The following GTF2E2 variants were observed in gnomAD, a reference collection of about 807,000 sequenced individuals.
The protein encoded by GTF2E2 is general transcription factor IIE subunit 2.
In GTF2E2, 21 loss-of-function variants were observed where a neutral mutation model predicts 40.5. The observed-to-expected ratio is 0.52, with a 90% CI of 0.37 to 0.75. GTF2E2 has a LOEUF of 0.75. Ranked by LOEUF, GTF2E2 falls within the 30% of genes least tolerant of loss-of-function variation. The probability of loss-of-function intolerance (pLI) is 0.00; values close to 1 mark genes in which losing one functional copy is unlikely to be tolerated. For missense variants in GTF2E2, 298 were observed against 338.4 expected (o/e 0.88, Z 0.94); for synonymous variants, 117 against 121.6 (o/e 0.96, Z 0.25).
chr8:30,651,918 T>C (rs146479176), intron 2 of GTF2E2, among the ~76,000 whole-genome samples: 61 of 152,320 alleles, frequency 4.0e-4, no homozygotes, highest in African/African-American at 1.3e-3. Flanking sequence ...AAATAAACTC[T>C]TTGATTTATG....
chr8:30,643,797 C>T (rs878919353), intron 2 of GTF2E2: 1 of 150,594 alleles, frequency 6.6e-6, no homozygotes, highest in African/African-American at 2.4e-5. Flanking sequence ...CCTGCATCTG[C>T]AAGGCTAGTA....
chr8:30,641,869 C>T (rs113541553), intron 2 of GTF2E2, among the ~76,000 whole-genome samples: 5,172 of 152,162 alleles, frequency 0.034, 291 homozygotes, highest in African/African-American at 0.12. Flanking sequence ...GAACGAGACT[C>T]TGTCTCAAAC....
At chr8:30,589,868 T>C (rs1828792872) in intron 6 of GTF2E2, among the ~76,000 whole-genome samples, 1 of 152,216 alleles carries the variant, frequency 6.6e-6, no homozygotes. Flanking sequence ...GGAGAAGCCG[T>C]GGGGTAACTC....
rs10109276 is a variant in GTF2E2 at position 30,593,849 on chromosome 8, C to T, written c.643+13208G>A. ...TCTACTCTGTCTGATATTAATATAG[C>T]CACCCTAGCTTTCCTGATAGTGTTT... On this transcript the variant is annotated intron_variant, in intron 6 of 7. Coordinates refer to ENST00000355904, the MANE Select transcript of GTF2E2 (RefSeq NM_002095.6). Among the ~76,000 whole-genome samples, 574 of 152,258 alleles carry T rather than the reference C, an allele frequency of 3.8e-3. 5 individuals carry two copies. The highest frequency in any genetic ancestry group is 0.014 in the African/African-American group (562 of 41,544).
intron 2 of GTF2E2, 26 bp downstream of exon 2, chr8:30,653,407 A>C (rs1250308101): frequency 6.3e-7 from 1 of 1,581,600 alleles, no homozygotes; most frequent in Non-Finnish European, 8.7e-7. Context: ...AATAAAAACC[A>C]AACAGTCCTA....
At chr8:30,583,899 G>A (rs1037875926) in intron 6 of GTF2E2, among the ~76,000 whole-genome samples, 4 of 151,868 alleles carry the variant, frequency 2.6e-5, no homozygotes, top group Non-Finnish European at 4.4e-5. Flanking sequence ...TCCACCTCCC[G>A]GGTTCACGCC....
intron 2 of GTF2E2, among the ~76,000 whole-genome samples, chr8:30,639,103 G>T (rs1052012258): frequency 1.3e-5 from 2 of 152,084 alleles, no homozygotes; most frequent in Non-Finnish European, 2.9e-5. Context: ...TTATAAGAAA[G>T]TTTGTTATAT....
intron 6 of GTF2E2, among the ~76,000 whole-genome samples, chr8:30,604,587 T>A (rs558664805): frequency 2.6e-5 from 4 of 152,258 alleles, no homozygotes; most frequent in African/African-American, 9.6e-5. Context: ...GAAAGCAAAC[T>A]AAAAGAATAA....
intron 2 of GTF2E2, among the ~76,000 whole-genome samples, chr8:30,640,380 G>T (rs1801771093): frequency 6.6e-6 from 1 of 151,976 alleles, no homozygotes; most frequent in Admixed American, 6.6e-5. Context: ...GGGGCCTTTG[G>T]GAGTAAACAT....
intron 6 of GTF2E2, among the ~76,000 whole-genome samples, chr8:30,587,285 T>C (rs1051496822): frequency 3.3e-5 from 5 of 152,138 alleles, no homozygotes; most frequent in Non-Finnish European, 5.9e-5. Flanking sequence ...TGGCAGTACA[T>C]ATCTGCAGTC....
chr8:30,645,757 T>C (rs1802052138), intron 2 of GTF2E2: 3 of 655,964 alleles, frequency 4.6e-6, no homozygotes, highest in East Asian at 5.5e-5. Flanking sequence ...GCACTGTTTG[T>C]GTGTATAGCC....
Position 30,579,558 on chromosome 8 carries a change from T to C in GTF2E2, c.760-521A>G, listed in dbSNP as rs141532278. Reference sequence around the variant, plus strand: ...AATTACACTCATTTGTGGAAAGAGATTGACAATAAAGCTTCCCTTTAGGTG... The same window carrying C: ...AATTACACTCATTTGTGGAAAGAGACTGACAATAAAGCTTCCCTTTAGGTG... On this transcript the variant is annotated intron_variant, in intron 7 of 7. Transcript: ENST00000355904. Among the ~76,000 whole-genome samples the C allele has an allele frequency of 5.4e-4, 82 of 152,206 alleles. 1 individual carries two copies. The highest frequency in any genetic ancestry group is 3.4e-3 in the Middle Eastern group (1 of 294).
At chr8:30,623,666 C>A (rs1801179825) in intron 3 of GTF2E2, among the ~76,000 whole-genome samples, 1 of 152,006 alleles carries the variant, frequency 6.6e-6, no homozygotes, top group Non-Finnish European at 1.5e-5. Context: ...TCCACATCCT[C>A]TCCAGCACCT....
chr8:30,601,157 G>C (rs931309708), intron 6 of GTF2E2, among the ~76,000 whole-genome samples: 24 of 152,066 alleles, frequency 1.6e-4, no homozygotes, highest in African/African-American at 5.8e-4. Context: ...GTTCCCTCTG[G>C]TGTCTCTACA....
chr8:30,623,314 C>T (rs1349811890), intron 3 of GTF2E2, among the ~76,000 whole-genome samples: 11 of 151,976 alleles, frequency 7.2e-5, no homozygotes, highest in African/African-American at 2.4e-4. Context: ...TTCGTCCTTG[C>T]GATAGTTTGC....
intron 6 of GTF2E2, among the ~76,000 whole-genome samples, chr8:30,605,648 A>G (rs1829299050): frequency 6.6e-6 from 1 of 151,942 alleles, no homozygotes; most frequent in African/African-American, 2.4e-5. Flanking sequence ...TGAGCTCAGA[A>G]ATATCTTAAA....
intron 5 of GTF2E2, among the ~76,000 whole-genome samples, chr8:30,608,613 CCCAAAATCTCGAATCCA>C (rs1338759990): frequency 6.6e-6 from 1 of 152,186 alleles, no homozygotes; most frequent in African/African-American, 2.4e-5. Context: ...CAACCCAAAT[CCCAAAATCTCGAATCCA>C]AAATCCAAAA....
rs542123468 is a variant in GTF2E2, at chr8:30,651,410, T to A, written c.166+2023A>T. Among the ~76,000 whole-genome samples the A allele has an allele frequency of 4.9e-3, 730 of 148,682 alleles. 3 individuals carry two copies. Among genetic ancestry groups the A allele is most frequent in the African/African-American group, 0.017 (692 of 40,738 alleles). ...TTCTATATACTAGCAATGAACAATTTAAAAAAAAAAATCAAAGAAAACAAT... is the reference window on the plus strand; with the variant it reads ...TTCTATATACTAGCAATGAACAATTAAAAAAAAAAAATCAAAGAAAACAAT... On this transcript the variant is annotated intron_variant, in intron 2 of 7. Coordinates refer to ENST00000355904, the MANE Select transcript of GTF2E2 (RefSeq NM_002095.6).
At chr8:30,652,269 A>T (rs1802305073) in intron 2 of GTF2E2, among the ~76,000 whole-genome samples, 1 of 152,236 alleles carries the variant, frequency 6.6e-6, no homozygotes, top group Non-Finnish European at 1.5e-5. Context: ...GACACTATTA[A>T]GAAGATAAAA....
Sources: allele counts gnomAD v4.1 joint callset (sites outside exome capture counted in the v4.1 genomes callset), GRCh38; gene constraint gnomAD v4.1.1; transcripts MANE v1.5; gene names NCBI Gene and HGNC (gene_info 2026-07-23, HGNC 2026-07-21).